Variants in ERBB4 observed in about 807,000 individuals in gnomAD.
The protein encoded by ERBB4 is erb-b2 receptor tyrosine kinase 4.
In ERBB4, 42 loss-of-function variants were observed where a neutral mutation model predicts 158.0. The ratio of observed to expected loss-of-function variants is 0.27; its 90% CI spans 0.21 to 0.34. ERBB4 has a LOEUF of 0.34. Among genes scored for constraint, ERBB4 ranks in the 10% least tolerant of loss-of-function variants. The probability of loss-of-function intolerance (pLI) is 1.00; values close to 1 mark genes in which losing one functional copy is unlikely to be tolerated. For missense variants in ERBB4, 1,333 were observed against 1,624.1 expected (o/e 0.82, Z 3.08); for synonymous variants, 583 against 558.7 (o/e 1.04, Z -0.61).
At chr2:212,044,935 C>A (rs1315205678) in intron 2 of ERBB4, among the ~76,000 whole-genome samples, 1 of 151,912 alleles carries the variant, frequency 6.6e-6, no homozygotes, top group Non-Finnish European at 1.5e-5. Flanking sequence ...CAGGGTCTGG[C>A]AGCAATAGGC....
chr2:211,899,825 G>A (rs2125028268), intron 3 of ERBB4, among the ~76,000 whole-genome samples: 1 of 152,214 alleles, frequency 6.6e-6, no homozygotes, highest in South Asian at 2.1e-4. Context: ...TATGTTGAAA[G>A]TGGTTACTGT....
chr2:211,632,001 AT>A (rs2070153601), intron 16 of ERBB4, among the ~76,000 whole-genome samples: 2 of 152,114 alleles, frequency 1.3e-5, no homozygotes, highest in African/African-American at 2.4e-5. Context: ...CATAAAAAAA[AT>A]CTGCGTAACT....
At chr2:212,143,300 A>T (rs16847781) in intron 1 of ERBB4, among the ~76,000 whole-genome samples, 7 of 152,144 alleles carry the variant, frequency 4.6e-5, no homozygotes, top group African/African-American at 1.7e-4. Context: ...CTGTCAGTGT[A>T]TTATAATATT....
At chr2:212,107,391 T>C (rs1180875248) in intron 2 of ERBB4, among the ~76,000 whole-genome samples, 1 of 152,164 alleles carries the variant, frequency 6.6e-6, no homozygotes, top group Non-Finnish European at 1.5e-5. Flanking sequence ...CTTCATTCCT[T>C]CATTTTGGGC....
intron 2 of ERBB4, among the ~76,000 whole-genome samples, chr2:211,956,736 TAAAC>T (rs2081046051): frequency 6.6e-6 from 1 of 152,132 alleles, no homozygotes; most frequent in Admixed American, 6.6e-5. Context: ...TAAAATTAAT[TAAAC>T]AATTGGTACT....
chr2:211,376,674 T>G lies in ERBB4; in HGVS notation c.*6941A>C, dbSNP rs542760472. 8.7e-4 allele frequency: 202 copies of G among 233,066 alleles called. No individual in the cohort carries two copies. Among genetic ancestry groups the G allele is most frequent in the African/African-American group, 4.3e-3 (196 of 45,428 alleles). The allele number at this position is 233,066 out of a possible 1,614,324, so 14.4% of individuals were successfully genotyped here. The stretch of plus-strand genomic sequence containing the variant: ...CCTCTCTCACCCAAACTGATGTCAG[T>G]AAATTACTTTGATGCATGTATAAGA... On this transcript the variant is annotated 3_prime_UTR_variant, in exon 28 of 28. Coordinates refer to ENST00000342788, the MANE Select transcript of ERBB4 (RefSeq NM_005235.3).
At chr2:212,380,636 TTAAA>T (rs962130418) in intron 1 of ERBB4, among the ~76,000 whole-genome samples, 1 of 150,934 alleles carries the variant, frequency 6.6e-6, no homozygotes, top group African/African-American at 2.4e-5. Context: ...TTCATTTATA[TTAAA>T]TATATTTTAT....
intron 1 of ERBB4, among the ~76,000 whole-genome samples, chr2:212,195,533 A>G (rs2082401393): frequency 6.6e-6 from 1 of 152,014 alleles, no homozygotes; most frequent in African/African-American, 2.4e-5. Flanking sequence ...TGTTCTTATA[A>G]TATATGTAAA....
chr2:212,297,674 C>T (rs1041197904), intron 1 of ERBB4, among the ~76,000 whole-genome samples: 21 of 151,664 alleles, frequency 1.4e-4, no homozygotes, highest in South Asian at 2.1e-4. Context: ...TTTAGATAAA[C>T]ATGTCTAATA....
At chr2:211,391,938 T>C (rs1005831491) in intron 25 of ERBB4, among the ~76,000 whole-genome samples, 3 of 152,220 alleles carry the variant, frequency 2.0e-5, no homozygotes, top group Admixed American at 1.3e-4. Flanking sequence ...TGAGAGTCAC[T>C]TTCTAATCTT....
chr2:212,263,624 T>A, intron 1 of ERBB4, among the ~76,000 whole-genome samples: 1 of 152,158 alleles, frequency 6.6e-6, no homozygotes, highest in East Asian at 1.9e-4. Context: ...ATAAAGTAAA[T>A]TGCTTTTTAA....
intron 1 of ERBB4, among the ~76,000 whole-genome samples, chr2:212,276,411 G>T (rs2085538141): frequency 6.6e-6 from 1 of 151,686 alleles, no homozygotes; most frequent in Admixed American, 6.6e-5. Context: ...AGACTAAGCT[G>T]GTGTGCCTTT....
intron 1 of ERBB4, among the ~76,000 whole-genome samples, chr2:212,138,007 A>T (rs13411338): frequency 0.01 from 1,567 of 152,344 alleles, 18 homozygotes; most frequent in African/African-American, 0.036. Context: ...TAAAAGGAAT[A>T]ATAAATACAA....
chr2:212,270,807 A>C (rs545737659), intron 1 of ERBB4, among the ~76,000 whole-genome samples: 1 of 151,720 alleles, frequency 6.6e-6, no homozygotes, highest in Non-Finnish European at 1.5e-5. Flanking sequence ...AATGATTGAG[A>C]GGGAGCTATT....
intron 2 of ERBB4, among the ~76,000 whole-genome samples, chr2:212,051,017 T>G (rs1163022729): frequency 1.3e-5 from 2 of 152,112 alleles, no homozygotes; most frequent in Admixed American, 1.3e-4. Context: ...GTAACTGAAA[T>G]AGCAATCGCC....
chr2:212,343,716 C>CT (rs1453319121), intron 1 of ERBB4, among the ~76,000 whole-genome samples: 1 of 152,164 alleles, frequency 6.6e-6, no homozygotes, highest in Non-Finnish European at 1.5e-5. Context: ...AGATTAATGT[C>CT]TTTTCCCATA....
At chr2:211,830,989 T>A (rs1001020562) in intron 3 of ERBB4, among the ~76,000 whole-genome samples, 1 of 151,776 alleles carries the variant, frequency 6.6e-6, no homozygotes, top group South Asian at 2.1e-4. Context: ...TGGAACACAT[T>A]AAAATGTAGG....
chr2:212,173,524 G>C (rs1465393768), intron 1 of ERBB4, among the ~76,000 whole-genome samples: 1 of 152,078 alleles, frequency 6.6e-6, no homozygotes, highest in Non-Finnish European at 1.5e-5. Flanking sequence ...ACTGACTGTG[G>C]CTAGAGCTCC....
rs1436122015 is a variant in ERBB4 at position 211,381,409 on chromosome 2, T to A, written c.*2206A>T. On this transcript the variant is annotated 3_prime_UTR_variant, in exon 28 of 28. Coordinates refer to ENST00000342788, the MANE Select transcript of ERBB4 (RefSeq NM_005235.3). ...ATTGAAATTATCCTGTTTGTCAACA[T>A]CAACAATTTGAAGGATGTTTAACTT... 1 of 232,088 alleles carries A rather than the reference T, an allele frequency of 4.3e-6. No individual in the cohort carries two copies. The highest frequency in any genetic ancestry group is 8.5e-6 in the Non-Finnish European group (1 of 117,412). The allele number at this position is 232,088 out of a possible 1,614,324, so 14.4% of individuals were successfully genotyped here. A position where few individuals can be genotyped will look rare whatever the true frequency, so the allele number is the denominator to read the frequency against.
Sources: allele counts gnomAD v4.1 joint callset (sites outside exome capture counted in the v4.1 genomes callset), GRCh38; gene constraint gnomAD v4.1.1; transcripts MANE v1.5; gene names NCBI Gene and HGNC (gene_info 2026-07-23, HGNC 2026-07-21).